Variants in AP2B1 observed in about 807,000 individuals in gnomAD.
AP2B1 encodes the protein AP-2 complex subunit beta.
Under a neutral mutation model 102.0 loss-of-function variants are expected in AP2B1, and 23 were observed. The observed-to-expected ratio is 0.23, with a 90% CI of 0.16 to 0.32. The LOEUF (loss-of-function observed/expected upper bound fraction) is 0.32. Among genes scored for constraint, AP2B1 ranks in the 10% least tolerant of loss-of-function variants. The probability of loss-of-function intolerance (pLI) is 1.00; values close to 1 mark genes in which losing one functional copy is unlikely to be tolerated. For synonymous variants in AP2B1, 381 were observed against 421.2 expected, an observed-to-expected ratio of 0.90 and a Z score of 1.17; for missense variants, 541 against 1,157.4, an observed-to-expected ratio of 0.47 and a Z score of 7.73.
intron 15 of AP2B1, 67 bp downstream of exon 15, chr17:35,670,965 A>C: frequency 6.6e-7 from 1 of 1,508,608 alleles, no homozygotes; most frequent in South Asian, 1.1e-5. Flanking sequence ...TCCTATGTAC[A>C]CATTATCAGA....
In AP2B1 at chr17:35,725,877, A is replaced by G. The variant is rs587594858; in HGVS notation, c.*2178A>G. ...CTCTCAGCCTCCCCACCAGTGATGGATAACAGCTCCTATTCTCAGCTGACC... is the reference window on the plus strand; with the variant it reads ...CTCTCAGCCTCCCCACCAGTGATGGGTAACAGCTCCTATTCTCAGCTGACC... On this transcript the variant is annotated 3_prime_UTR_variant, in exon 22 of 22. Transcript: ENST00000610402. The G allele has an allele frequency of 6.6e-6, 1 of 152,402 alleles. No individual in the cohort carries two copies. Among genetic ancestry groups the G allele is most frequent in the Non-Finnish European group, 1.5e-5 (1 of 68,046 alleles). The allele number at this position is 152,402 out of a possible 1,614,324, so 9.4% of individuals were successfully genotyped here.
chr17:35,666,437 G>A (rs193263881), intron 14 of AP2B1, among the ~76,000 whole-genome samples: 269 of 152,230 alleles, frequency 1.8e-3, no homozygotes, highest in African/African-American at 6.1e-3. Context: ...AGAAAATTTG[G>A]ATTTAGGTAT....
intron 18 of AP2B1, among the ~76,000 whole-genome samples, chr17:35,693,735 AG>A (rs1437884430): frequency 7.1e-6 from 1 of 140,570 alleles, no homozygotes; most frequent in Non-Finnish European, 1.6e-5. Flanking sequence ...TTGAAGGGCA[AG>A]TACTCAGAAC....
chr17:35,639,771 G>C lies in AP2B1; in HGVS notation c.1437+11G>C. On this transcript the variant is annotated intron_variant, in intron 11 of 21. Transcript: ENST00000610402. ...GATGAAAGCACCCAGGTAAGTTCTTGTCTCTTGTCTATCCTAGTAGTTTTA... is the reference window on the plus strand; with the variant it reads ...GATGAAAGCACCCAGGTAAGTTCTTCTCTCTTGTCTATCCTAGTAGTTTTA... The C allele has an allele frequency of 6.2e-7, 1 of 1,611,940 alleles. No homozygotes were observed. Among genetic ancestry groups the C allele is most frequent in the Non-Finnish European group, 8.5e-7 (1 of 1,178,810 alleles).
chr17:35,690,359 C>T (rs587763766), intron 18 of AP2B1, among the ~76,000 whole-genome samples: 11 of 152,282 alleles, frequency 7.2e-5, no homozygotes, highest in South Asian at 2.1e-4. Context: ...TCTCTGTCTA[C>T]GATAGAAAGG....
chr17:35,706,554 G>A (rs1003886612), intron 18 of AP2B1, among the ~76,000 whole-genome samples: 1 of 152,004 alleles, frequency 6.6e-6, no homozygotes, highest in African/African-American at 2.4e-5. Flanking sequence ...TAGAGAATGG[G>A]GATACTACTT....
chr17:35,614,655 TAAAA>T (rs3031833), intron 5 of AP2B1, among the ~76,000 whole-genome samples: 16 of 93,166 alleles, frequency 1.7e-4, no homozygotes, highest in South Asian at 1.7e-3. Context: ...GTTGAATTAG[TAAAA>T]AAAAAAAAAA....
chr17:35,627,325 T>C, intron 7 of AP2B1, 60 bp from the exon 8 acceptor site: 2 of 1,403,480 alleles, frequency 1.4e-6, no homozygotes, highest in Non-Finnish European at 1.9e-6. Context: ...TAATACAGTC[T>C]CAGAAGGGTA....
chr17:35,599,509 T>G (rs1567775995), intron 3 of AP2B1, among the ~76,000 whole-genome samples: 1 of 152,244 alleles, frequency 6.6e-6, no homozygotes, highest in Non-Finnish European at 1.5e-5. Context: ...TGCTGTTTTA[T>G]AATGAAATGT....
At position 35,650,680 on chromosome 17, in the gene AP2B1, C is replaced by G; in HGVS notation, c.1687C>G (p.Leu563Val). ...TATTGAGCCAACTCTGCTGGATGAGCTAATCTGCCACATTGGTTCTTTGGC... is the reference window on the plus strand; with the variant it reads ...TATTGAGCCAACTCTGCTGGATGAGGTAATCTGCCACATTGGTTCTTTGGC... Reference protein sequence around the residue: ...DLIEPTLLDELICHIGSLASV... With the variant: ...DLIEPTLLDEVICHIGSLASV... The change falls in exon 13 of 22, where the codon CTA (leucine) becomes GTA (valine). Residue 563 changes from leucine to valine, a missense_variant. Leu to Val is a conservative substitution (Grantham distance 32). Coordinates refer to ENST00000610402, the MANE Select transcript of AP2B1 (RefSeq NM_001030006.2). The G allele has an allele frequency of 6.2e-7, 1 of 1,614,176 alleles. No individual in the cohort carries two copies. Among genetic ancestry groups the G allele is most frequent in the Non-Finnish European group, 8.5e-7 (1 of 1,180,030 alleles).
chr17:35,647,887 G>GTT (rs1318537363), intron 12 of AP2B1, among the ~76,000 whole-genome samples: 6 of 46,006 alleles, frequency 1.3e-4, no homozygotes, highest in African/African-American at 9.9e-4. Flanking sequence ...GGTTTTGGGG[G>GTT]TTTGTTTTTT....
intron 9 of AP2B1, among the ~76,000 whole-genome samples, chr17:35,634,931 C>A (rs894543749): frequency 1.7e-4 from 26 of 152,224 alleles, no homozygotes; most frequent in African/African-American, 5.8e-4. Context: ...ATGGCTTATT[C>A]TTCTTACTTC....
intron 19 of AP2B1, 112 bp from the exon 20 acceptor site, chr17:35,710,122 C>T: frequency 1.3e-6 from 1 of 750,118 alleles, no homozygotes; most frequent in South Asian, 1.5e-5. Context: ...CAGCCTGCTG[C>T]TAGCTGTATT....
chr17:35,610,154 T>TTTTTTA (rs1344902647), intron 5 of AP2B1, among the ~76,000 whole-genome samples: 1 of 146,244 alleles, frequency 6.8e-6, no homozygotes, highest in Admixed American at 6.8e-5. Flanking sequence ...TTATTTTTTA[T>TTTTTTA]TTTTTTTTGA....
At chr17:35,642,938 G>T (rs1405717495) in intron 12 of AP2B1, among the ~76,000 whole-genome samples, 2 of 151,722 alleles carry the variant, frequency 1.3e-5, no homozygotes, top group African/African-American at 4.8e-5. Context: ...TATCTGTATT[G>T]AATTGAGCAT....
intron 14 of AP2B1, among the ~76,000 whole-genome samples, chr17:35,658,592 TGTG>T (rs1349294117): frequency 6.6e-6 from 1 of 152,170 alleles, no homozygotes; most frequent in African/African-American, 2.4e-5. Flanking sequence ...GGTACTTAAC[TGTG>T]GTGGAATTAG....
chr17:35,698,874 A>G (rs1449180261), intron 18 of AP2B1, among the ~76,000 whole-genome samples: 1 of 152,212 alleles, frequency 6.6e-6, no homozygotes, highest in Non-Finnish European at 1.5e-5. Flanking sequence ...TCGTCATTCT[A>G]ATTTACTCCT....
chr17:35,693,029 C>T (rs1467329609), intron 18 of AP2B1, among the ~76,000 whole-genome samples: 2 of 151,474 alleles, frequency 1.3e-5, no homozygotes, highest in Non-Finnish European at 1.5e-5. Context: ...GGGGGAGGGG[C>T]GGTAAATTGG....
chr17:35,678,513 G>A (rs139310219), intron 17 of AP2B1, among the ~76,000 whole-genome samples: 77 of 152,286 alleles, frequency 5.1e-4, no homozygotes, highest in Non-Finnish European at 9.0e-4. Context: ...TAGGTTTTTC[G>A]TGGAGCTTGA....
Sources: gnomAD v4.1 joint callset for allele counts (sites outside exome capture counted in the v4.1 genomes callset) on GRCh38, gnomAD v4.1.1 for gene constraint, MANE v1.5 for transcripts, NCBI Gene and HGNC (gene_info 2026-07-23, HGNC 2026-07-21) for gene names.